SLC5A4: variants seen among roughly 807,000 people sequenced by gnomAD.
SLC5A4 encodes solute carrier family 5 member 4, also known as probable glucose sensor protein SLC5A4.
In SLC5A4, 55 loss-of-function variants were observed where a neutral mutation model predicts 70.3. The observed-to-expected ratio is 0.78, with a 90% CI of 0.63 to 0.98. SLC5A4 has a LOEUF of 0.98. Among genes scored for constraint, SLC5A4 ranks in the 50% least tolerant of loss-of-function variants. The probability of loss-of-function intolerance (pLI) is 0.00; values close to 1 mark genes in which losing one functional copy is unlikely to be tolerated. For missense variants in SLC5A4, 735 were observed against 839.2 expected, an observed-to-expected ratio of 0.88 and a Z score of 1.53; for synonymous variants, 268 against 305.7, an observed-to-expected ratio of 0.88 and a Z score of 1.29.
At chr22:32,315,207 C>T in the SLC5A4 span, among the ~76,000 whole-genome samples, 3 of 151,946 alleles carry the variant, frequency 2.0e-5, no homozygotes, top group Non-Finnish European at 4.4e-5. Flanking sequence ...CAGCAATGAG[C>T]ACAGAATTTG....
rs1465533368 is a variant in SLC5A4, at chr22:32,248,815, A to G, written c.313-13T>C. 1.3e-6 allele frequency: 2 copies of G among 1,586,714 alleles called. No homozygotes were observed. The highest frequency in any genetic ancestry group is 1.7e-5 in the Admixed American group (1 of 60,004). On this transcript the variant is annotated splice_polypyrimidine_tract_variant and intron_variant, in intron 3 of 14. Coordinates refer to ENST00000266086, the MANE Select transcript of SLC5A4 (RefSeq NM_014227.3). ...ACATTACTGAGGACTACAAGGAACC[A>G]AAATAAGAGACAGTGAGACATTAAA...
intron 13 of SLC5A4, among the ~76,000 whole-genome samples, chr22:32,223,555 T>G (rs1925209174): frequency 6.6e-6 from 1 of 152,086 alleles, no homozygotes; most frequent in African/African-American, 2.4e-5. Flanking sequence ...CCATGTACTT[T>G]CCCCCCATCT....
the SLC5A4 span, among the ~76,000 whole-genome samples, chr22:32,350,249 A>T: frequency 3.9e-5 from 6 of 152,202 alleles, no homozygotes; most frequent in Non-Finnish European, 1.5e-5. Flanking sequence ...GAAAAACTTA[A>T]TACTGCCCCC....
At chr22:32,330,978 TG>T in the SLC5A4 span, among the ~76,000 whole-genome samples, 41 of 101,186 alleles carry the variant, frequency 4.1e-4, 1 homozygote, top group Non-Finnish European at 4.3e-4. Flanking sequence ...GGCACTGGTG[TG>T]TGTGTTGGGG....
At chr22:32,331,531 CTT>C in the SLC5A4 span, among the ~76,000 whole-genome samples, 5 of 152,160 alleles carry the variant, frequency 3.3e-5, no homozygotes, top group East Asian at 5.8e-4. Context: ...CACACGGAAA[CTT>C]TGTTTCCTTC....
the SLC5A4 span, among the ~76,000 whole-genome samples, chr22:32,325,557 G>A: frequency 2.6e-5 from 4 of 152,240 alleles, no homozygotes; most frequent in Non-Finnish European, 4.4e-5. Flanking sequence ...GCAGCCACAA[G>A]GCCTTCATCT....
chr22:32,312,361 G>A, the SLC5A4 span, among the ~76,000 whole-genome samples: 1,154 of 69,764 alleles, frequency 0.017, 16 homozygotes, highest in African/African-American at 0.056. Context: ...TCACACGCGC[G>A]CGCGCACACA....
rs776040114 is a variant in SLC5A4, at chr22:32,247,474, C to T, written c.414G>A (p.Gly138=). ...MPEYLKKRFG[G]ERLQVYLSIL... is the part of the protein sequence containing the mutation. ...TGGAGAGGTAGACCTGGAGTCGCTC[C>T]CCACCAAACCGCTTCTTGAGATATT... Residue 138 remains glycine (G), a synonymous_variant, in exon 5 of 15, where the codon GGG becomes GGA. Transcript: ENST00000266086. 6.2e-7 allele frequency: 1 copy of T among 1,613,878 alleles called. No individual in the cohort carries two copies.
the SLC5A4 span, among the ~76,000 whole-genome samples, chr22:32,294,110 G>C: frequency 6.6e-6 from 1 of 151,828 alleles, no homozygotes; most frequent in East Asian, 1.9e-4. Flanking sequence ...TCTTTCAGTA[G>C]TTGCAGAAAA....
rs752063184 is a variant in SLC5A4, at chr22:32,220,972, A to T, written c.1716T>A (p.Asp572Glu). The change falls in exon 14 of 15, where the codon GAT becomes GAA. Residue 572 changes from aspartate (D) to glutamate (E), a missense_variant. Transcript: ENST00000266086. Reference sequence around the variant, plus strand: ...CCTGACTTTTCTCTTCTGCATCTATATCGATTCGCTCCTCTGTACTGTTCC... The same window carrying T: ...CCTGACTTTTCTCTTCTGCATCTATTTCGATTCGCTCCTCTGTACTGTTCC... Reference protein sequence around the residue: ...VLRNSTEERIDIDAEEKSQEE... With the variant: ...VLRNSTEERIEIDAEEKSQEE... The T allele has an allele frequency of 6.2e-7, 1 of 1,614,052 alleles. No homozygotes were observed. The highest frequency in any genetic ancestry group is 2.2e-5 in the East Asian group (1 of 44,882).
intron 5 of SLC5A4, among the ~76,000 whole-genome samples, chr22:32,245,336 C>A (rs890564644): frequency 6.6e-6 from 1 of 152,148 alleles, no homozygotes; most frequent in Admixed American, 6.5e-5. Context: ...ACAGACTCTG[C>A]ACAGCCACAG....
At chr22:32,347,711 G>T in the SLC5A4 span, among the ~76,000 whole-genome samples, 2 of 116,040 alleles carry the variant, frequency 1.7e-5, no homozygotes, top group South Asian at 4.0e-4. Context: ...GTTGTGGGGT[G>T]GGGGGAGGGG....
At chr22:32,299,753 TTTCTG>T in the SLC5A4 span, among the ~76,000 whole-genome samples, 1 of 123,240 alleles carries the variant, frequency 8.1e-6, no homozygotes, top group South Asian at 2.8e-4. Flanking sequence ...GTTTCCAGTT[TTTCTG>T]TTCTGTTTTT....
the SLC5A4 span, among the ~76,000 whole-genome samples, chr22:32,347,572 G>A: frequency 2.6e-5 from 4 of 151,862 alleles, no homozygotes; most frequent in South Asian, 2.1e-4. Context: ...GGATGAAGCC[G>A]GAAACCATCA....
chr22:32,318,130 A>G, the SLC5A4 span, among the ~76,000 whole-genome samples: 1 of 151,538 alleles, frequency 6.6e-6, no homozygotes, highest in Non-Finnish European at 1.5e-5. Flanking sequence ...CTCCTGCTCC[A>G]GCCCCTTGTT....
chr22:32,271,953 G>A, the SLC5A4 span: 138 of 588,944 alleles, frequency 2.3e-4, no homozygotes, highest in African/African-American at 2.2e-3. Flanking sequence ...CATGACTGGC[G>A]AGGAGAAGGC....
At chr22:32,305,881 G>A in the SLC5A4 span, among the ~76,000 whole-genome samples, 28 of 150,774 alleles carry the variant, frequency 1.9e-4, no homozygotes, top group African/African-American at 6.4e-4. Context: ...TGGTGCCAGT[G>A]CCAGATTCAG....
the SLC5A4 span, among the ~76,000 whole-genome samples, chr22:32,331,226 G>A: frequency 7.2e-6 from 1 of 138,648 alleles, no homozygotes; most frequent in Admixed American, 7.2e-5. Context: ...GTGTGTTGGG[G>A]GCTGTGTGTG....
the SLC5A4 span, chr22:32,270,258 C>T: frequency 1.4e-6 from 1 of 725,402 alleles, no homozygotes; most frequent in South Asian, 1.4e-5. Flanking sequence ...GTGAGCCTGC[C>T]TTCCTGTCTG....
Sources: gnomAD v4.1 joint callset for allele counts (sites outside exome capture counted in the v4.1 genomes callset) on GRCh38, gnomAD v4.1.1 for gene constraint, MANE v1.5 for transcripts, NCBI Gene and HGNC (gene_info 2026-07-23, HGNC 2026-07-21) for gene names.